The following TRPC5 variants were observed in gnomAD, a reference collection of about 807,000 sequenced individuals.
TRPC5 encodes short transient receptor potential channel 5.
TRPC5 carries 9 observed loss-of-function variants against 56.5 expected under a neutral mutation model. That is an observed-to-expected ratio of 0.16 (90% confidence interval 0.10 to 0.28). The LOEUF (loss-of-function observed/expected upper bound fraction) is 0.28. Ranked by LOEUF, TRPC5 falls within the 10% of genes least tolerant of loss-of-function variation. The pLI is 1.00. For synonymous variants in TRPC5, 282 were observed against 278.5 expected (o/e 1.01, Z -0.13); for missense variants, 469 against 748.9 (o/e 0.63, Z 4.36).
Position 111,852,363 on chromosome X carries a change from T to C in TRPC5, c.1312A>G (p.Met438Val). 1 of 1,210,341 alleles carries C rather than the reference T, an allele frequency of 8.3e-7. No individual in the cohort carries two copies. The highest frequency in any genetic ancestry group is 1.1e-6 in the Non-Finnish European group (1 of 894,308). ...TEYIHDWWNL[M>V]DFAMNSLYLA... ...TAGAGGGAGTTCATTGCAAAATCCATCAGGTTCCACCAGTCATGGATGTAT... is the reference window on the plus strand; with the variant it reads ...TAGAGGGAGTTCATTGCAAAATCCACCAGGTTCCACCAGTCATGGATGTAT... Residue 438 changes from methionine to valine, a missense_variant, in exon 5 of 11, where the codon ATG becomes GTG. Met to Val is a conservative substitution (Grantham distance 21). This residue lies in a region of TRPC5 where 157 missense variants were observed against 360.0 expected (regional missense o/e 0.44). Coordinates refer to ENST00000262839, the MANE Select transcript of TRPC5 (RefSeq NM_012471.3).
At chrX:111,925,687 G>T (rs749565723) in intron 2 of TRPC5, among the ~76,000 whole-genome samples, 5 of 111,895 alleles carry the variant, frequency 4.5e-5, no homozygotes, top group Non-Finnish European at 9.4e-5. Flanking sequence ...AGAATTGTTG[G>T]TTTTTAATAT....
At chrX:112,028,868 T>C in intron 1 of TRPC5, among the ~76,000 whole-genome samples, 1 of 112,483 alleles carries the variant, frequency 8.9e-6, no homozygotes, top group Admixed American at 9.4e-5. Flanking sequence ...TCCACAATGG[T>C]TGAACTAATT....
intron 4 of TRPC5, 77 bp downstream of exon 4, chrX:111,853,693 T>C: frequency 9.7e-7 from 1 of 1,031,935 alleles, no homozygotes; most frequent in Non-Finnish European, 1.3e-6. Flanking sequence ...AGAGCTAGTC[T>C]GACTGCCTGT....
intron 1 of TRPC5, among the ~76,000 whole-genome samples, chrX:111,972,627 G>A (rs113180578): frequency 0.013 from 1,465 of 112,403 alleles, 27 homozygotes; most frequent in African/African-American, 0.045. Flanking sequence ...GCTGATTGTG[G>A]TTAGAGGAGC....
At chrX:111,790,348 G>A (rs1377838010) in intron 7 of TRPC5, among the ~76,000 whole-genome samples, 1 of 110,986 alleles carries the variant, frequency 9.0e-6, no homozygotes, top group African/African-American at 3.3e-5. Context: ...TCATAGGTGG[G>A]AATTGAACAA....
chrX:112,021,816 C>T (rs1929279338), intron 1 of TRPC5, among the ~76,000 whole-genome samples: 1 of 112,304 alleles, frequency 8.9e-6, no homozygotes, highest in Admixed American at 9.4e-5. Context: ...CACTGGGAGG[C>T]AAGATCATAG....
chrX:111,896,201 G>A (rs1258816925), intron 3 of TRPC5: 5 of 111,111 alleles, frequency 4.5e-5, no homozygotes, highest in African/African-American at 1.3e-4. Context: ...TTCCTCAGGA[G>A]AGTCCTTCTG....
chrX:111,992,964 C>T (rs1488307739), intron 1 of TRPC5, among the ~76,000 whole-genome samples: 1 of 110,407 alleles, frequency 9.1e-6, no homozygotes, highest in Non-Finnish European at 1.9e-5. Context: ...AGGTTTGATA[C>T]ATAGGTATAC....
chrX:112,063,934 G>A (rs922645054), intron 1 of TRPC5, among the ~76,000 whole-genome samples: 2 of 111,340 alleles, frequency 1.8e-5, no homozygotes, highest in South Asian at 7.7e-4. Flanking sequence ...TGGGACTACA[G>A]GCGCCCACCA....
At chrX:112,032,118 C>T (rs143460571) in intron 1 of TRPC5, among the ~76,000 whole-genome samples, 1,572 of 110,771 alleles carry the variant, frequency 0.014, 25 homozygotes, top group African/African-American at 0.049. Context: ...TAAAGACATA[C>T]AGGTGGCCAA....
chrX:112,016,110 G>A (rs1929115519), intron 1 of TRPC5, among the ~76,000 whole-genome samples: 1 of 111,895 alleles, frequency 8.9e-6, no homozygotes, highest in South Asian at 3.8e-4. Flanking sequence ...ACAATGCCCA[G>A]TGCTTGCAAG....
intron 1 of TRPC5, among the ~76,000 whole-genome samples, chrX:111,982,066 G>A (rs1053710749): frequency 9.0e-6 from 1 of 111,197 alleles, no homozygotes; most frequent in African/African-American, 3.3e-5. Flanking sequence ...CTTCACCATG[G>A]TAAGACATGC....
chrX:112,005,261 GA>G (rs1481236416), intron 1 of TRPC5, among the ~76,000 whole-genome samples: 1 of 109,679 alleles, frequency 9.1e-6, no homozygotes, highest in African/African-American at 3.3e-5. Context: ...GCTAAATGAT[GA>G]GAACACATGG....
chrX:111,936,591 G>A (rs374652503), intron 2 of TRPC5, among the ~76,000 whole-genome samples: 4 of 104,434 alleles, frequency 3.8e-5, no homozygotes, highest in African/African-American at 7.0e-5. Context: ...GAGAATATGC[G>A]GTGTTTGGTT....
At position 111,771,612 on chromosome X, in the gene TRPC5, A is replaced by G. The variant is rs745347519; in HGVS notation, c.*4701T>C. Reference sequence around the variant, plus strand: ...CCTCCTCTGGATCACCACACAAAAGATGAAAATCCTAGGCCACGTACCAGC... The same window carrying G: ...CCTCCTCTGGATCACCACACAAAAGGTGAAAATCCTAGGCCACGTACCAGC... On this transcript the variant is annotated 3_prime_UTR_variant, in exon 11 of 11. Transcript: ENST00000262839. 9.0e-6 allele frequency among the ~76,000 whole-genome samples: 1 copy of G among 111,567 alleles called. No individual in the cohort carries two copies. Among genetic ancestry groups the G allele is most frequent in the South Asian group, 3.8e-4 (1 of 2,648 alleles).
chrX:111,805,346 C>G (rs1214039668), intron 7 of TRPC5, among the ~76,000 whole-genome samples: 1 of 111,361 alleles, frequency 9.0e-6, no homozygotes, highest in Non-Finnish European at 1.9e-5. Context: ...GCTTTGGTAT[C>G]AATATGATGT....
chrX:111,920,293 A>AG (rs1342423853), intron 2 of TRPC5, among the ~76,000 whole-genome samples: 1 of 111,023 alleles, frequency 9.0e-6, no homozygotes, highest in Non-Finnish European at 1.9e-5. Flanking sequence ...AACAAAAAAA[A>AG]TGTATCTTAA....
intron 2 of TRPC5, among the ~76,000 whole-genome samples, chrX:111,918,623 A>G (rs1184551843): frequency 9.0e-6 from 1 of 111,082 alleles, no homozygotes; most frequent in East Asian, 2.8e-4. Flanking sequence ...TTGAGGATGA[A>G]GTAGTTCAGG....
intron 2 of TRPC5, among the ~76,000 whole-genome samples, chrX:111,914,706 G>C (rs1433153950): frequency 8.9e-6 from 1 of 112,329 alleles, no homozygotes; most frequent in East Asian, 2.8e-4. Flanking sequence ...TGAGCAACTG[G>C]CTCATAAAGT....
Sources: allele counts gnomAD v4.1 joint callset (sites outside exome capture counted in the v4.1 genomes callset), GRCh38; gene constraint gnomAD v4.1.1; regional missense constraint gnomAD v4.1.1; transcripts MANE v1.5; gene names NCBI Gene and HGNC (gene_info 2026-07-23, HGNC 2026-07-21).